The following TMEM178B variants were observed in gnomAD, a reference collection of about 807,000 sequenced individuals.
TMEM178B encodes transmembrane protein 178B.
In TMEM178B, 5 loss-of-function variants were observed where a neutral mutation model predicts 31.0. That is an observed-to-expected ratio of 0.16 (90% confidence interval 0.08 to 0.34). The LOEUF (loss-of-function observed/expected upper bound fraction) is 0.34, where lower values mean the gene tolerates loss of function less well. TMEM178B is among the 10% of genes least tolerant of loss of function. The pLI is 1.00. For missense variants in TMEM178B, 275 were observed against 400.3 expected (o/e 0.69, Z 2.67); for synonymous variants, 164 against 164.0 (o/e 1.00, Z 0.00).
At chr7:141,179,590 G>A (rs2366077) in intron 1 of TMEM178B, among the ~76,000 whole-genome samples, 103,167 of 152,096 alleles carry the variant, frequency 0.68, 35,368 homozygotes, top group Middle Eastern at 0.72. Flanking sequence ...TGTAGTTCAA[G>A]TTCTATTTGA....
At chr7:141,277,374 C>T (rs1238717391) in intron 2 of TMEM178B, among the ~76,000 whole-genome samples, 1 of 152,068 alleles carries the variant, frequency 6.6e-6, no homozygotes, top group African/African-American at 2.4e-5. Context: ...CCTAGGCCTG[C>T]ATAGGGTTGG....
At chr7:141,506,685 C>T in the TMEM178B span, among the ~76,000 whole-genome samples, 1 of 152,120 alleles carries the variant, frequency 6.6e-6, no homozygotes, top group East Asian at 1.9e-4. Flanking sequence ...ATCTTATGTC[C>T]TCACATTTCA....
At chr7:141,075,598 A>G (rs1333121839) in intron 1 of TMEM178B, among the ~76,000 whole-genome samples, 32 of 152,202 alleles carry the variant, frequency 2.1e-4, no homozygotes, top group Non-Finnish European at 4.4e-5. Context: ...CCACTGGAAT[A>G]TTGTTTGAAT....
chr7:141,457,404 G>A (rs1476471248), intron 3 of TMEM178B, among the ~76,000 whole-genome samples: 2 of 152,168 alleles, frequency 1.3e-5, no homozygotes, highest in Non-Finnish European at 1.5e-5. Flanking sequence ...ATGTATGTAT[G>A]TGTGTATACA....
chr7:141,425,916 C>T (rs537799632), intron 2 of TMEM178B, among the ~76,000 whole-genome samples: 2 of 152,200 alleles, frequency 1.3e-5, no homozygotes, highest in Non-Finnish European at 1.5e-5. Flanking sequence ...ACCTTCCCCC[C>T]CTATCTCTTC....
At chr7:141,312,696 A>C (rs1489957004) in intron 2 of TMEM178B, among the ~76,000 whole-genome samples, 1 of 152,214 alleles carries the variant, frequency 6.6e-6, no homozygotes, top group African/African-American at 2.4e-5. Flanking sequence ...CATTCATAGG[A>C]AGATGCACCT....
At chr7:141,454,516 G>A (rs1801925168) in intron 3 of TMEM178B, among the ~76,000 whole-genome samples, 1 of 151,744 alleles carries the variant, frequency 6.6e-6, no homozygotes. Context: ...AGGCCACTTT[G>A]GGGACCTTTC....
At chr7:141,469,509 TG>T (rs1231027557) in intron 3 of TMEM178B, among the ~76,000 whole-genome samples, 1 of 152,180 alleles carries the variant, frequency 6.6e-6, no homozygotes, top group African/African-American at 2.4e-5. Flanking sequence ...AATATAAAAT[TG>T]AATGCACCTC....
At chr7:141,408,778 C>G (rs1316523595) in intron 2 of TMEM178B, among the ~76,000 whole-genome samples, 1 of 152,174 alleles carries the variant, frequency 6.6e-6, no homozygotes, top group Non-Finnish European at 1.5e-5. Context: ...GAAGGCTTTG[C>G]AGAGGAGTTG....
intron 1 of TMEM178B, among the ~76,000 whole-genome samples, chr7:141,089,283 G>A (rs539804263): frequency 8.5e-5 from 13 of 152,338 alleles, no homozygotes; most frequent in African/African-American, 3.1e-4. Context: ...ATTCCTAAGG[G>A]ATTAGCAGGC....
At chr7:141,267,211 C>T (rs1798107651) in intron 2 of TMEM178B, among the ~76,000 whole-genome samples, 1 of 152,256 alleles carries the variant, frequency 6.6e-6, no homozygotes, top group Non-Finnish European at 1.5e-5. Flanking sequence ...CTCCTGGTTT[C>T]TGGGTCCTCT....
At chr7:141,432,703 T>A (rs1476167758) in intron 2 of TMEM178B, among the ~76,000 whole-genome samples, 1 of 152,224 alleles carries the variant, frequency 6.6e-6, no homozygotes, top group Admixed American at 6.5e-5. Flanking sequence ...ATATCAAAAA[T>A]AATTTTGAAA....
chr7:141,262,655 A>G (rs1798032748), intron 2 of TMEM178B, among the ~76,000 whole-genome samples: 1 of 152,106 alleles, frequency 6.6e-6, no homozygotes, highest in Non-Finnish European at 1.5e-5. Flanking sequence ...CATTAGCATA[A>G]TGTGAAATGG....
intron 1 of TMEM178B, among the ~76,000 whole-genome samples, chr7:141,200,998 C>T (rs528845311): frequency 3.9e-5 from 6 of 151,926 alleles, no homozygotes; most frequent in Non-Finnish European, 5.9e-5. Context: ...GACAGAATCA[C>T]GATCCAAAAT....
chr7:141,366,092 C>T (rs1239089987), intron 2 of TMEM178B, among the ~76,000 whole-genome samples: 1 of 152,206 alleles, frequency 6.6e-6, no homozygotes, highest in Non-Finnish European at 1.5e-5. Flanking sequence ...CTTGTTCTCA[C>T]CCTGGAAGGG....
intron 2 of TMEM178B, among the ~76,000 whole-genome samples, chr7:141,373,338 AAAC>A (rs1459347976): frequency 6.6e-6 from 1 of 152,100 alleles, no homozygotes; most frequent in Non-Finnish European, 1.5e-5. Context: ...CAACAACAGC[AAAC>A]AACAACAACA....
rs34947704 is a variant in TMEM178B, at chr7:141,346,303, G to A, written c.497-91305G>A. The stretch of plus-strand genomic sequence containing the variant: ...ATGAATATAAAAAACAGTAAATCAT[G>A]CTATAGAAAATTGGATAGAGAAATA... On this transcript the variant is annotated intron_variant, in intron 2 of 3. Coordinates refer to ENST00000565468, the MANE Select transcript of TMEM178B (RefSeq NM_001195278.2). Among the ~76,000 whole-genome samples, 643 of 152,230 alleles carry A rather than the reference G, an allele frequency of 4.2e-3. 2 individuals carry two copies. Among genetic ancestry groups the A allele is most frequent in the Admixed American group, 6.5e-3 (100 of 15,282 alleles).
At chr7:141,394,336 T>C (rs915251596) in intron 2 of TMEM178B, among the ~76,000 whole-genome samples, 5 of 152,224 alleles carry the variant, frequency 3.3e-5, no homozygotes, top group African/African-American at 1.2e-4. Flanking sequence ...GATTCAGATA[T>C]GGCCTCCCCA....
chr7:141,086,862 A>AT (rs753528262), intron 1 of TMEM178B, among the ~76,000 whole-genome samples: 3 of 151,900 alleles, frequency 2.0e-5, no homozygotes, highest in African/African-American at 4.8e-5. Flanking sequence ...TGATTTTTAT[A>AT]TTTTCAATAG....
Sources: gnomAD v4.1 joint callset for allele counts (sites outside exome capture counted in the v4.1 genomes callset) on GRCh38, gnomAD v4.1.1 for gene constraint, MANE v1.5 for transcripts, NCBI Gene and HGNC (gene_info 2026-07-23, HGNC 2026-07-21) for gene names.